The following PITPNC1 variants were observed in gnomAD, a reference collection of about 807,000 sequenced individuals.
PITPNC1 encodes the protein cytoplasmic phosphatidylinositol transfer protein 1.
Under a neutral mutation model 44.7 loss-of-function variants are expected in PITPNC1, and 18 were observed. The observed-to-expected ratio is 0.40, with a 90% confidence interval of 0.28 to 0.60. PITPNC1 has a LOEUF of 0.60. Among genes scored for constraint, PITPNC1 ranks in the 20% least tolerant of loss-of-function variants. The pLI is 0.39. For synonymous variants in PITPNC1, 141 were observed against 149.6 expected, an observed-to-expected ratio of 0.94 and a Z score of 0.42; for missense variants, 290 against 418.4, an observed-to-expected ratio of 0.69 and a Z score of 2.68.
At chr17:67,603,942 TA>T (rs552519264) in intron 5 of PITPNC1, among the ~76,000 whole-genome samples, 646 of 135,252 alleles carry the variant, frequency 4.8e-3, no homozygotes, top group African/African-American at 9.9e-3. Context: ...CTCATAGATT[TA>T]AAAAAAAAAA....
In PITPNC1 at chr17:67,556,425, G is replaced by A. The variant is rs574609795; in HGVS notation, c.294+2808G>A. On this transcript the variant is annotated intron_variant, in intron 4 of 8. Transcript: ENST00000581322. The stretch of plus-strand genomic sequence containing the variant: ...ATAAGAGTGTCCCACATGTTGCATG[G>A]GACATAATTATGCCAAAAGATTGTT... Among the ~76,000 whole-genome samples the A allele has an allele frequency of 5.3e-5, 8 of 152,248 alleles. No individual in the cohort carries two copies. In the South Asian group the frequency reaches 1.5e-3, roughly 28 times the overall value.
At chr17:67,424,422 C>T (rs771233630) in intron 1 of PITPNC1, among the ~76,000 whole-genome samples, 3 of 152,024 alleles carry the variant, frequency 2.0e-5, no homozygotes, top group South Asian at 2.1e-4. Context: ...TTTGGGATGC[C>T]GAGGCAGGAA....
chr17:67,535,736 A>G (rs539421654), intron 2 of PITPNC1, among the ~76,000 whole-genome samples: 2 of 152,328 alleles, frequency 1.3e-5, no homozygotes, highest in East Asian at 3.9e-4. Context: ...AGCTCAAAAC[A>G]AAGAAAGGGA....
At chr17:67,615,164 G>A (rs141339170) in intron 5 of PITPNC1, among the ~76,000 whole-genome samples, 1 of 152,306 alleles carries the variant, frequency 6.6e-6, no homozygotes, top group Non-Finnish European at 1.5e-5. Context: ...TGCGTAGTTT[G>A]CCTTGGGAGG....
At chr17:67,560,292 A>C (rs920882652) in intron 4 of PITPNC1, among the ~76,000 whole-genome samples, 6 of 152,218 alleles carry the variant, frequency 3.9e-5, no homozygotes, top group African/African-American at 1.4e-4. Flanking sequence ...CAGTGGATCA[A>C]TTCTATTTCA....
chr17:67,652,486 C>T (rs2042220108), intron 6 of PITPNC1, among the ~76,000 whole-genome samples: 1 of 152,208 alleles, frequency 6.6e-6, no homozygotes, highest in Non-Finnish European at 1.5e-5. Context: ...CTGGCACCAG[C>T]TCAACCCCCT....
At chr17:67,560,547 A>G (rs1056388936) in intron 4 of PITPNC1, among the ~76,000 whole-genome samples, 7 of 152,222 alleles carry the variant, frequency 4.6e-5, no homozygotes, top group Non-Finnish European at 8.8e-5. Context: ...TTCCATTTAG[A>G]AAATGAACTG....
At chr17:67,677,518 G>A (rs910161287) in intron 8 of PITPNC1, among the ~76,000 whole-genome samples, 3 of 151,996 alleles carry the variant, frequency 2.0e-5, no homozygotes, top group African/African-American at 7.2e-5. Context: ...AGGCGATGGG[G>A]CCTGACTTTT....
At chr17:67,417,679 C>T (rs932473564) in intron 1 of PITPNC1, among the ~76,000 whole-genome samples, 1 of 152,192 alleles carries the variant, frequency 6.6e-6, no homozygotes, top group African/African-American at 2.4e-5. Flanking sequence ...TCAGCTGCCT[C>T]CCAGTAGCAC....
At chr17:67,575,138 A>C (rs1050614521) in intron 4 of PITPNC1, among the ~76,000 whole-genome samples, 2 of 151,360 alleles carry the variant, frequency 1.3e-5, no homozygotes, top group African/African-American at 2.4e-5. Flanking sequence ...TACTCTCCCC[A>C]CTCCTTGGTT....
At chr17:67,526,363 C>T (rs758547928) in intron 1 of PITPNC1, among the ~76,000 whole-genome samples, 1 of 152,178 alleles carries the variant, frequency 6.6e-6, no homozygotes, top group Non-Finnish European at 1.5e-5. Flanking sequence ...GTATTGTTGG[C>T]ACTCATTTGA....
intron 2 of PITPNC1, among the ~76,000 whole-genome samples, chr17:67,549,224 C>G (rs1332940859): frequency 6.6e-6 from 1 of 152,068 alleles, no homozygotes; most frequent in Non-Finnish European, 1.5e-5. Flanking sequence ...GAGGCCGAGG[C>G]GGGCGGATCA....
chr17:67,451,408 C>T (rs1325471625), intron 1 of PITPNC1, among the ~76,000 whole-genome samples: 1 of 152,072 alleles, frequency 6.6e-6, no homozygotes, highest in Non-Finnish European at 1.5e-5. Flanking sequence ...ACAACAAAAG[C>T]TCTTAAGTTT....
chr17:67,647,464 G>GTTTTTT (rs60407940), intron 6 of PITPNC1, among the ~76,000 whole-genome samples: 66 of 72,358 alleles, frequency 9.1e-4, no homozygotes, highest in Non-Finnish European at 9.1e-4. Context: ...CTAATTTTGG[G>GTTTTTT]TTTTTTTTTT....
intron 1 of PITPNC1, among the ~76,000 whole-genome samples, chr17:67,413,602 C>T (rs1319579511): frequency 1.3e-5 from 2 of 152,106 alleles, no homozygotes; most frequent in African/African-American, 4.8e-5. Flanking sequence ...CAGTTTGCTG[C>T]TGCTTCCGTG....
At chr17:67,606,438 C>T (rs138952517) in intron 5 of PITPNC1, among the ~76,000 whole-genome samples, 124 of 152,292 alleles carry the variant, frequency 8.1e-4, no homozygotes, top group African/African-American at 2.8e-3. Context: ...AGTGAAGTTT[C>T]GCACTGAAAA....
intron 1 of PITPNC1, among the ~76,000 whole-genome samples, chr17:67,492,866 C>T (rs2039882494): frequency 6.6e-6 from 1 of 152,100 alleles, no homozygotes; most frequent in Admixed American, 6.6e-5. Flanking sequence ...TGTAGTGTTC[C>T]ACGGTGTGAA....
At chr17:67,513,585 A>C (rs2040220542) in intron 1 of PITPNC1, among the ~76,000 whole-genome samples, 1 of 151,608 alleles carries the variant, frequency 6.6e-6, no homozygotes, top group African/African-American at 2.4e-5. Flanking sequence ...GTAGTTGCCA[A>C]GTGGGAGTAA....
chr17:67,607,245 C>T (rs113203951), intron 5 of PITPNC1, among the ~76,000 whole-genome samples: 1,790 of 152,218 alleles, frequency 0.012, 12 homozygotes, highest in Middle Eastern at 0.082. Context: ...CTGACTACCT[C>T]CTCCCTTTAA....
Sources: gnomAD v4.1 joint callset for allele counts (sites outside exome capture counted in the v4.1 genomes callset) on GRCh38, gnomAD v4.1.1 for gene constraint, MANE v1.5 for transcripts, NCBI Gene and HGNC (gene_info 2026-07-23, HGNC 2026-07-21) for gene names.